Variants in TMEM177 observed in about 807,000 individuals in gnomAD.
TMEM177 encodes the protein transmembrane protein 177.
Under a neutral mutation model 14.2 loss-of-function variants are expected in TMEM177, and 4 were observed. The observed-to-expected ratio is 0.28, with a 90% confidence interval of 0.14 to 0.64. The LOEUF (loss-of-function observed/expected upper bound fraction) is 0.64, where lower values mean the gene tolerates loss of function less well. Ranked by LOEUF, TMEM177 falls within the 30% of genes least tolerant of loss-of-function variation. TMEM177 has a pLI of 0.82. For synonymous variants in TMEM177, 179 were observed against 174.5 expected (o/e 1.03, Z -0.20); for missense variants, 344 against 405.2 (o/e 0.85, Z 1.30).
At chr2:119,711,775 G>A in the TMEM177 span, among the ~76,000 whole-genome samples, 5 of 152,174 alleles carry the variant, frequency 3.3e-5, no homozygotes, top group African/African-American at 9.7e-5. Flanking sequence ...GTTACCTGAT[G>A]ACTCCATGGA....
chr2:119,698,314 C>T, the TMEM177 span, among the ~76,000 whole-genome samples: 16 of 152,186 alleles, frequency 1.1e-4, no homozygotes, highest in African/African-American at 3.6e-4. Context: ...CCTCCCTGCA[C>T]AGTTGGGGGA....
chr2:119,713,740 G>C, the TMEM177 span, among the ~76,000 whole-genome samples: 1 of 152,144 alleles, frequency 6.6e-6, no homozygotes, highest in Non-Finnish European at 1.5e-5. Flanking sequence ...AGGCAGAGGT[G>C]AGAGGATCAC....
the TMEM177 span, among the ~76,000 whole-genome samples, chr2:119,694,943 G>A: frequency 6.6e-6 from 1 of 152,200 alleles, no homozygotes; most frequent in African/African-American, 2.4e-5. Flanking sequence ...TGTCATTTGG[G>A]CACTAAGCTA....
the TMEM177 span, among the ~76,000 whole-genome samples, chr2:119,703,016 A>C: frequency 6.6e-6 from 1 of 152,216 alleles, no homozygotes; most frequent in South Asian, 2.1e-4. Flanking sequence ...CTATCTGGCC[A>C]GCAGGGGGAG....
chr2:119,691,247 C>CG (rs1003313414), downstream of TMEM177, among the ~76,000 whole-genome samples: 27 of 152,172 alleles, frequency 1.8e-4, no homozygotes, highest in African/African-American at 6.3e-4. Context: ...TGAGCTTCTC[C>CG]GTGCCTCAGC....
the TMEM177 span, among the ~76,000 whole-genome samples, chr2:119,709,643 G>A: frequency 1.3e-5 from 2 of 152,168 alleles, 1 homozygote; most frequent in South Asian, 4.1e-4. Flanking sequence ...GGCTAACATG[G>A]TGAAACCCCG....
At chr2:119,712,250 C>T in the TMEM177 span, among the ~76,000 whole-genome samples, 1 of 151,988 alleles carries the variant, frequency 6.6e-6, no homozygotes, top group Non-Finnish European at 1.5e-5. Flanking sequence ...TGTACTCTCT[C>T]CTGCCGCGTG....
chr2:119,683,553 C>G (rs1046270372), downstream of TMEM177, among the ~76,000 whole-genome samples: 4 of 152,200 alleles, frequency 2.6e-5, no homozygotes, highest in Non-Finnish European at 5.9e-5. Context: ...CTCAGTACTG[C>G]AGGAGCCATG....
At chr2:119,715,696 C>T in the TMEM177 span, among the ~76,000 whole-genome samples, 1 of 152,212 alleles carries the variant, frequency 6.6e-6, no homozygotes, top group Non-Finnish European at 1.5e-5. Flanking sequence ...GAAGGACCAG[C>T]GGAACTTCGG....
downstream of TMEM177, among the ~76,000 whole-genome samples, chr2:119,683,230 CACTG>C (rs560679897): frequency 3.8e-4 from 58 of 152,302 alleles, no homozygotes; most frequent in African/African-American, 1.3e-3. Flanking sequence ...CGGGTCCTCA[CACTG>C]GACCTGAACA....
At chr2:119,719,382 C>G in the TMEM177 span, among the ~76,000 whole-genome samples, 2 of 152,164 alleles carry the variant, frequency 1.3e-5, no homozygotes, top group Non-Finnish European at 1.5e-5. Flanking sequence ...GATCAGCTGT[C>G]CAACCTCCCC....
chr2:119,693,349 C>T, the TMEM177 span, among the ~76,000 whole-genome samples: 2 of 152,184 alleles, frequency 1.3e-5, no homozygotes, highest in South Asian at 2.1e-4. Flanking sequence ...CTCAGTCATG[C>T]GGTCACTGTT....
chr2:119,685,044 G>A (rs1688987555), downstream of TMEM177, among the ~76,000 whole-genome samples: 1 of 152,124 alleles, frequency 6.6e-6, no homozygotes, highest in African/African-American at 2.4e-5. Flanking sequence ...GATCCCTTGT[G>A]AACATTGTTC....
intron 1 of TMEM177, among the ~76,000 whole-genome samples, chr2:119,679,953 A>T (rs977989041): frequency 6.6e-6 from 1 of 152,094 alleles, no homozygotes; most frequent in Non-Finnish European, 1.5e-5. Flanking sequence ...GTCCTCTGGG[A>T]GTTATGGAGG....
downstream of TMEM177, among the ~76,000 whole-genome samples, chr2:119,683,536 A>G (rs1425407827): frequency 1.3e-5 from 2 of 151,982 alleles, no homozygotes; most frequent in African/African-American, 4.8e-5. Flanking sequence ...CCCCCAACCC[A>G]TCTGCTCTCA....
chr2:119,682,670 A>C (rs1180052587), downstream of TMEM177, among the ~76,000 whole-genome samples: 1 of 152,120 alleles, frequency 6.6e-6, no homozygotes, highest in Non-Finnish European at 1.5e-5. Flanking sequence ...GCTTCACTCA[A>C]ATGTAGAGGA....
the TMEM177 span, among the ~76,000 whole-genome samples, chr2:119,717,519 G>A: frequency 7.5e-4 from 113 of 151,406 alleles, 1 homozygote; most frequent in Middle Eastern, 3.4e-3. Flanking sequence ...CTGGGTGGTG[G>A]ATACACCTTT....
the TMEM177 span, among the ~76,000 whole-genome samples, chr2:119,722,545 T>C: frequency 6.6e-6 from 1 of 152,218 alleles, no homozygotes; most frequent in African/African-American, 2.4e-5. Flanking sequence ...GACTCTGTTT[T>C]CTCATCTGTA....
the TMEM177 span, among the ~76,000 whole-genome samples, chr2:119,695,582 G>A: frequency 7.5e-4 from 115 of 152,320 alleles, no homozygotes; most frequent in Middle Eastern, 0.02. Flanking sequence ...GGGAGGAAGC[G>A]CCATGGAGGG....
Sources: gnomAD v4.1 joint callset for allele counts (sites outside exome capture counted in the v4.1 genomes callset) on GRCh38, gnomAD v4.1.1 for gene constraint, MANE v1.5 for transcripts, NCBI Gene and HGNC (gene_info 2026-07-23, HGNC 2026-07-21) for gene names.